The following MYOF variants were observed in gnomAD, a reference collection of about 807,000 sequenced individuals.
MYOF encodes fer-1-like 3, myoferlin.
MYOF carries 244 observed loss-of-function variants against 284.2 expected under a neutral mutation model. That is an observed-to-expected ratio of 0.86 (90% confidence interval 0.77 to 0.95). The LOEUF (loss-of-function observed/expected upper bound fraction) is 0.95, where lower values mean the gene tolerates loss of function less well. Ranked by LOEUF, MYOF falls within the 40% of genes least tolerant of loss-of-function variation. The pLI, the probability that MYOF is intolerant of heterozygous loss-of-function variation, is 0.00. For missense variants in MYOF, 2,496 were observed against 2,560.6 expected, an observed-to-expected ratio of 0.97 and a Z score of 0.54; for synonymous variants, 904 against 919.7, an observed-to-expected ratio of 0.98 and a Z score of 0.31.
At chr10:93,356,511 G>A (rs1259209747) in intron 30 of MYOF, among the ~76,000 whole-genome samples, 164 bp downstream of exon 30, 1 of 152,162 alleles carries the variant, frequency 6.6e-6, no homozygotes, top group Non-Finnish European at 1.5e-5. Context: ...TCTACACGAG[G>A]TATTGAGCAC....
chr10:93,440,162 C>G (rs2056199993), intron 3 of MYOF, among the ~76,000 whole-genome samples: 1 of 152,082 alleles, frequency 6.6e-6, no homozygotes, highest in Non-Finnish European at 1.5e-5. Flanking sequence ...GCCTGTAATC[C>G]CAGCACTTTG....
At chr10:93,369,593 A>T (rs546415398) in intron 25 of MYOF, 52 bp downstream of exon 25, 9 of 1,606,946 alleles carry the variant, frequency 5.6e-6, no homozygotes, top group Non-Finnish European at 7.7e-6. Context: ...GAAAAGTAAA[A>T]GTGCCCCTCC....
At chr10:93,415,672 T>C (rs1348039137) in intron 5 of MYOF, among the ~76,000 whole-genome samples, 4 of 152,224 alleles carry the variant, frequency 2.6e-5, no homozygotes, top group Non-Finnish European at 5.9e-5. Context: ...CCTTCTCTCC[T>C]GCTACAATTA....
At chr10:93,369,119 T>C (rs1845464279) in intron 25 of MYOF, among the ~76,000 whole-genome samples, 1 of 143,870 alleles carries the variant, frequency 7.0e-6, no homozygotes, top group African/African-American at 2.7e-5. Flanking sequence ...GCTTTTTTTT[T>C]TTTTTTTTTT....
At chr10:93,454,426 G>T (rs1186668784) in intron 2 of MYOF, among the ~76,000 whole-genome samples, 1 of 152,182 alleles carries the variant, frequency 6.6e-6, no homozygotes, top group Admixed American at 6.5e-5. Context: ...CACGTGGCTT[G>T]ATCTCAATCT....
At chr10:93,391,119 T>C (rs544320688) in intron 17 of MYOF, among the ~76,000 whole-genome samples, 1 of 152,364 alleles carries the variant, frequency 6.6e-6, no homozygotes, top group African/African-American at 2.4e-5. Context: ...TCCCCAGGGA[T>C]TGAAACACAA....
chr10:93,440,640 T>C (rs865870050), intron 3 of MYOF, among the ~76,000 whole-genome samples: 1 of 152,212 alleles, frequency 6.6e-6, no homozygotes, highest in Non-Finnish European at 1.5e-5. Flanking sequence ...TGACACATAG[T>C]AGGCATTAGT....
chr10:93,391,680 G>A (rs76718643), intron 17 of MYOF, among the ~76,000 whole-genome samples: 1,929 of 152,080 alleles, frequency 0.013, 41 homozygotes, highest in African/African-American at 0.043. Context: ...TTCCTAGTCC[G>A]TTTAATGCAC....
intron 49 of MYOF, among the ~76,000 whole-genome samples, chr10:93,318,096 C>A (rs1162461666): frequency 6.6e-6 from 1 of 152,130 alleles, no homozygotes; most frequent in Non-Finnish European, 1.5e-5. Context: ...CACCATCAGC[C>A]CTGATGCCAC....
intron 3 of MYOF, among the ~76,000 whole-genome samples, chr10:93,435,903 C>CAAA (rs945283797): frequency 5.6e-5 from 6 of 106,434 alleles, no homozygotes; most frequent in African/African-American, 1.1e-4. Flanking sequence ...GACCTTGTCT[C>CAAA]AAAAATAATA....
intron 24 of MYOF, 42 bp from the exon 25 acceptor site, chr10:93,369,818 G>C: frequency 6.2e-7 from 1 of 1,609,014 alleles, no homozygotes; most frequent in Non-Finnish European, 8.5e-7. Flanking sequence ...ATTAGGCACA[G>C]CAAAGACTGT....
At chr10:93,481,303 C>A (rs1346594242) in intron 1 of MYOF, among the ~76,000 whole-genome samples, 2 of 152,166 alleles carry the variant, frequency 1.3e-5, no homozygotes, top group African/African-American at 4.8e-5. Flanking sequence ...TGGGCTCAAG[C>A]AATCCTCCTG....
chr10:93,338,987 G>C (rs1024216335), intron 39 of MYOF, among the ~76,000 whole-genome samples: 38 of 149,628 alleles, frequency 2.5e-4, no homozygotes, highest in African/African-American at 4.9e-4. Flanking sequence ...TTGGGGGAAA[G>C]GAAGAAGGGA....
chr10:93,344,829 G>A (rs1408966997), intron 37 of MYOF, among the ~76,000 whole-genome samples: 1 of 142,334 alleles, frequency 7.0e-6, no homozygotes, highest in African/African-American at 2.5e-5. Context: ...GGCTTATTCA[G>A]CCCTTATTCT....
At chr10:93,409,030 G>A in intron 6 of MYOF, 115 bp from the exon 7 acceptor site, 5 of 1,478,508 alleles carry the variant, frequency 3.4e-6, no homozygotes, top group Non-Finnish European at 3.7e-6. Flanking sequence ...CCAGGCCAGG[G>A]CAGCTTTGTG....
intron 48 of MYOF, among the ~76,000 whole-genome samples, chr10:93,320,370 G>C (rs1842799464): frequency 1.3e-5 from 2 of 152,220 alleles, no homozygotes; most frequent in East Asian, 1.9e-4. Flanking sequence ...TAACTCATCA[G>C]TGTCTTTCAG....
chr10:93,341,953 G>A, intron 38 of MYOF: 5 of 1,289,792 alleles, frequency 3.9e-6, no homozygotes, highest in Non-Finnish European at 5.1e-6. Context: ...GAGTGCTGTT[G>A]ACATACTGCT....
At position 93,313,061 on chromosome 10, in the gene MYOF, A is replaced by T. The variant is rs200024635; in HGVS notation, c.5848T>A (p.Trp1950Arg). ...CCATCTTTCTCTGCGTAGCATGGCCACCATCCTTTCATGGACTTCTGCTCA... is the reference window on the plus strand; with the variant it reads ...CCATCTTTCTCTGCGTAGCATGGCCTCCATCCTTTCATGGACTTCTGCTCA... ...LFEQKSMKGW[W>R]PCYAEKDGAR... Residue 1950 changes from tryptophan (W) to arginine (R), a missense_variant, in exon 51 of 54, where the codon TGG becomes AGG. This residue lies in a region of MYOF where 2,436 missense variants were observed against 2,480.7 expected (regional missense o/e 0.98). Coordinates refer to ENST00000359263, the MANE Select transcript of MYOF (RefSeq NM_013451.4). 67 of 1,613,792 alleles carry T rather than the reference A, an allele frequency of 4.2e-5. No individual in the cohort carries two copies. Among genetic ancestry groups the T allele is most frequent in the Non-Finnish European group, 5.4e-5 (64 of 1,179,934 alleles).
chr10:93,344,024 G>A (rs902532723), intron 37 of MYOF, 92 bp from the exon 38 acceptor site: 2 of 1,344,518 alleles, frequency 1.5e-6, no homozygotes, highest in Admixed American at 1.9e-5. Context: ...GCCATAGGGT[G>A]GATGGTAGAG....
Sources: allele counts gnomAD v4.1 joint callset (sites outside exome capture counted in the v4.1 genomes callset), GRCh38; gene constraint gnomAD v4.1.1; regional missense constraint gnomAD v4.1.1; transcripts MANE v1.5; gene names NCBI Gene and HGNC (gene_info 2026-07-23, HGNC 2026-07-21).